TDRD3: variants seen among roughly 807,000 people sequenced by gnomAD.
TDRD3 encodes tudor domain-containing protein 3.
A neutral mutation model predicts 86.7 loss-of-function variants in TDRD3; 45 were observed. That is an observed-to-expected ratio of 0.52 (90% CI 0.41 to 0.67). The LOEUF (loss-of-function observed/expected upper bound fraction) is 0.67. Ranked by LOEUF, TDRD3 falls within the 30% of genes least tolerant of loss-of-function variation. The probability of loss-of-function intolerance (pLI) is 0.00; values close to 1 mark genes in which losing one functional copy is unlikely to be tolerated. For synonymous variants in TDRD3, 298 were observed against 301.7 expected (o/e 0.99, Z 0.13); for missense variants, 814 against 889.0 (o/e 0.92, Z 1.07).
intron 8 of TDRD3, among the ~76,000 whole-genome samples, chr13:60,502,990 A>T (rs1956864917): frequency 6.6e-6 from 1 of 152,230 alleles, no homozygotes; most frequent in African/African-American, 2.4e-5. Flanking sequence ...GCAGAGAGAA[A>T]CAAACATGCT....
At chr13:60,507,373 C>T (rs1208581806) in intron 8 of TDRD3, among the ~76,000 whole-genome samples, 2 of 152,174 alleles carry the variant, frequency 1.3e-5, no homozygotes, top group African/African-American at 4.8e-5. Flanking sequence ...AACTCTCCAC[C>T]TCTAATCAAG....
intron 12 of TDRD3, among the ~76,000 whole-genome samples, chr13:60,547,886 T>A (rs1313078683): frequency 6.6e-6 from 1 of 152,212 alleles, no homozygotes; most frequent in African/African-American, 2.4e-5. Flanking sequence ...CCCAGAATTA[T>A]GTGCTTAGAA....
intron 12 of TDRD3, among the ~76,000 whole-genome samples, chr13:60,566,864 A>G (rs1039807580): frequency 1.3e-5 from 2 of 152,182 alleles, no homozygotes; most frequent in Non-Finnish European, 2.9e-5. Context: ...TGGTAGATAT[A>G]CCCACTCAGT....
intron 9 of TDRD3, among the ~76,000 whole-genome samples, 154 bp downstream of exon 9, chr13:60,510,073 T>G (rs1010486352): frequency 6.6e-6 from 1 of 152,192 alleles, no homozygotes; most frequent in Admixed American, 6.5e-5. Flanking sequence ...TAGAGACATT[T>G]GTAGTCTCAG....
At chr13:60,443,169 A>C (rs548605810) in intron 2 of TDRD3, among the ~76,000 whole-genome samples, 1 of 152,110 alleles carries the variant, frequency 6.6e-6, no homozygotes, top group East Asian at 1.9e-4. Flanking sequence ...ACATTTATTG[A>C]GTGCTTACTC....
intron 12 of TDRD3, among the ~76,000 whole-genome samples, chr13:60,552,474 TCA>T (rs1347479007): frequency 2.6e-5 from 4 of 152,240 alleles, no homozygotes; most frequent in African/African-American, 9.6e-5. Context: ...ATGACTGCTT[TCA>T]CAGTCTGGTG....
At chr13:60,528,254 G>C in intron 10 of TDRD3, 113 bp from the exon 11 acceptor site, 1 of 1,210,834 alleles carries the variant, frequency 8.3e-7, no homozygotes, top group East Asian at 2.7e-5. Context: ...GATGGAAGAA[G>C]ATTTTAGAAT....
At chr13:60,460,976 C>G (rs1382199801) in intron 4 of TDRD3, 1 of 151,890 alleles carries the variant, frequency 6.6e-6, no homozygotes, top group South Asian at 2.1e-4. Flanking sequence ...GCACTTCAGC[C>G]TGGGTGACAG....
At chr13:60,454,830 A>G (rs1003711990) in intron 3 of TDRD3, among the ~76,000 whole-genome samples, 1 of 151,932 alleles carries the variant, frequency 6.6e-6, no homozygotes, top group African/African-American at 2.4e-5. Flanking sequence ...TGGGTCTGAT[A>G]CCATACGTAG....
chr13:60,546,717 A>G (rs1957948041), intron 12 of TDRD3, among the ~76,000 whole-genome samples: 1 of 152,168 alleles, frequency 6.6e-6, no homozygotes, highest in Non-Finnish European at 1.5e-5. Context: ...GGCAGTTTTC[A>G]AAATAATTTC....
At chr13:60,441,061 T>C (rs1343245370) in intron 2 of TDRD3, among the ~76,000 whole-genome samples, 1 of 152,188 alleles carries the variant, frequency 6.6e-6, no homozygotes, top group African/African-American at 2.4e-5. Flanking sequence ...CATTTTATTT[T>C]GGTTTCTGAG....
intron 3 of TDRD3, among the ~76,000 whole-genome samples, chr13:60,456,368 G>T (rs1166026412): frequency 1.3e-5 from 2 of 152,182 alleles, no homozygotes; most frequent in African/African-American, 2.4e-5. Context: ...CTCAGGAGAA[G>T]AAGGAATGAT....
At position 60,397,293 on chromosome 13, in the gene TDRD3, G is replaced by GA. The variant is rs1335152698; in HGVS notation, c.-72_-71insA. 1 of 804,380 alleles carries GA rather than the reference G, an allele frequency of 1.2e-6. No homozygotes were observed. The highest frequency in any genetic ancestry group is 1.8e-5 in the African/African-American group (1 of 55,398). 49.8% of individuals were successfully genotyped at this position (804,380 alleles called of 1,614,324 possible). On this transcript the variant is annotated 5_prime_UTR_variant, in exon 1 of 14. An upstream open reading frame in the 5' UTR gains an earlier in-frame stop. Coordinates refer to ENST00000377881, the MANE Select transcript of TDRD3 (RefSeq NM_001146070.2). ...TTTTCTTTTTTTTTTTTTAAGGGGG[G>GA]GGGTCTCAAGTAGGAGGCCTCCCCA... is the stretch of plus-strand genomic sequence containing the variant.
At chr13:60,454,402 T>G (rs1955617302) in intron 3 of TDRD3, among the ~76,000 whole-genome samples, 1 of 152,208 alleles carries the variant, frequency 6.6e-6, no homozygotes, top group Non-Finnish European at 1.5e-5. Context: ...AATAATTTTT[T>G]TTAATATTTC....
At chr13:60,399,767 C>G (rs1272631841) in intron 1 of TDRD3, among the ~76,000 whole-genome samples, 1 of 152,224 alleles carries the variant, frequency 6.6e-6, no homozygotes, top group South Asian at 2.1e-4. Context: ...CATGGACACA[C>G]TATTGTTAAA....
At chr13:60,417,809 GTTC>G (rs566269132) in intron 1 of TDRD3, among the ~76,000 whole-genome samples, 329 of 152,152 alleles carry the variant, frequency 2.2e-3, no homozygotes, top group Non-Finnish European at 3.9e-3. Flanking sequence ...CATCTCCCAA[GTTC>G]TTCTTCTCTT....
At chr13:60,556,536 A>G (rs1958189372) in intron 12 of TDRD3, among the ~76,000 whole-genome samples, 1 of 152,250 alleles carries the variant, frequency 6.6e-6, no homozygotes, top group Admixed American at 6.5e-5. Context: ...ATCTGGGAAT[A>G]GATTGTAAGC....
chr13:60,397,731 C>G (rs1210607935), intron 1 of TDRD3, among the ~76,000 whole-genome samples: 1 of 151,054 alleles, frequency 6.6e-6, no homozygotes, highest in African/African-American at 2.4e-5. Flanking sequence ...ACCGGAGCGC[C>G]GGGGAGGACC....
chr13:60,525,666 T>C (rs796683136), intron 10 of TDRD3, among the ~76,000 whole-genome samples: 6 of 152,326 alleles, frequency 3.9e-5, no homozygotes, highest in African/African-American at 1.4e-4. Flanking sequence ...TGACTTTTCC[T>C]CTTTACTATC....
Sources: gnomAD v4.1 joint callset for allele counts (sites outside exome capture counted in the v4.1 genomes callset) on GRCh38, gnomAD v4.1.1 for gene constraint, MANE v1.5 for transcripts, NCBI Gene and HGNC (gene_info 2026-07-23, HGNC 2026-07-21) for gene names.